Variants in CACNG4 observed in about 807,000 individuals in gnomAD.
CACNG4 encodes the protein voltage-dependent calcium channel gamma-4 subunit.
CACNG4 carries 8 observed loss-of-function variants against 22.9 expected under a neutral mutation model. That is an observed-to-expected ratio of 0.35 (90% confidence interval 0.21 to 0.63). The LOEUF (loss-of-function observed/expected upper bound fraction) is 0.63, where lower values mean the gene tolerates loss of function less well. Among genes scored for constraint, CACNG4 ranks in the 30% least tolerant of loss-of-function variants. The probability of loss-of-function intolerance (pLI) is 0.72; values close to 1 mark genes in which losing one functional copy is unlikely to be tolerated. For synonymous variants in CACNG4, 188 were observed against 191.9 expected (o/e 0.98, Z 0.17); for missense variants, 357 against 455.4 (o/e 0.78, Z 1.97).
At chr17:67,009,709 G>T (rs979973747) in intron 1 of CACNG4, among the ~76,000 whole-genome samples, 2 of 152,144 alleles carry the variant, frequency 1.3e-5, no homozygotes, top group African/African-American at 4.8e-5. Flanking sequence ...GTCTGGTGAG[G>T]GTGGCTTCCT....
At chr17:66,965,197 CG>C in intron 1 of CACNG4, 66 bp downstream of exon 1, 1 of 788,794 alleles carries the variant, frequency 1.3e-6, no homozygotes, top group Non-Finnish European at 1.8e-6. Context: ...TATACACACG[CG>C]CGCGCGCGCG....
chr17:66,981,690 A>G (rs181825586), intron 1 of CACNG4, among the ~76,000 whole-genome samples: 3 of 152,318 alleles, frequency 2.0e-5, no homozygotes, highest in Non-Finnish European at 4.4e-5. Flanking sequence ...CTAGCTGCTT[A>G]TCCATTCAAC....
intron 1 of CACNG4, among the ~76,000 whole-genome samples, chr17:67,000,096 C>A (rs2035399225): frequency 6.6e-6 from 1 of 152,310 alleles, no homozygotes; most frequent in Admixed American, 6.5e-5. Context: ...TTCCACCTGG[C>A]TTCCACGCAG....
chr17:66,991,990 C>T (rs1402149308), intron 1 of CACNG4, among the ~76,000 whole-genome samples: 1 of 152,230 alleles, frequency 6.6e-6, no homozygotes, highest in African/African-American at 2.4e-5. Context: ...CTCACTCTGT[C>T]CATCCCTCAA....
chr17:66,992,496 C>T (rs1383201118), intron 1 of CACNG4, among the ~76,000 whole-genome samples: 8 of 152,236 alleles, frequency 5.3e-5, no homozygotes, highest in Non-Finnish European at 1.2e-4. Context: ...GCACTACCCA[C>T]CAGCACACCC....
intron 1 of CACNG4, among the ~76,000 whole-genome samples, chr17:66,973,556 C>A (rs889518027): frequency 1.3e-5 from 2 of 152,316 alleles, no homozygotes; most frequent in African/African-American, 2.4e-5. Context: ...CCCTTGGGTG[C>A]GTACCTGGGC....
chr17:67,012,631 C>T (rs1487837109), intron 1 of CACNG4, among the ~76,000 whole-genome samples: 1 of 152,176 alleles, frequency 6.6e-6, no homozygotes, highest in Non-Finnish European at 1.5e-5. Context: ...CAAAGGTTTC[C>T]CCCAGGGTGG....
intron 1 of CACNG4, among the ~76,000 whole-genome samples, chr17:66,999,321 G>T (rs927016143): frequency 6.6e-6 from 1 of 152,088 alleles, no homozygotes; most frequent in Non-Finnish European, 1.5e-5. Context: ...GTTAGCATGG[G>T]AATAGCTCCC....
intron 1 of CACNG4, among the ~76,000 whole-genome samples, chr17:67,004,551 G>A (rs893313116): frequency 6.6e-5 from 10 of 152,056 alleles, no homozygotes; most frequent in South Asian, 4.2e-4. Context: ...GCTTATTTTC[G>A]TGTCTTAGAA....
intron 1 of CACNG4, among the ~76,000 whole-genome samples, chr17:66,997,807 G>T (rs117403973): frequency 0.018 from 2,766 of 151,948 alleles, 74 homozygotes; most frequent in Admixed American, 0.067. Flanking sequence ...ATGGGAGTGA[G>T]ACCCTGTCAA....
At chr17:66,980,299 G>A (rs370610049) in intron 1 of CACNG4, among the ~76,000 whole-genome samples, 1 of 152,144 alleles carries the variant, frequency 6.6e-6, no homozygotes, top group Non-Finnish European at 1.5e-5. Context: ...GAAAGTAAGT[G>A]AGAAGGAAAT....
At chr17:66,977,718 C>G (rs949058630) in intron 1 of CACNG4, among the ~76,000 whole-genome samples, 3 of 152,190 alleles carry the variant, frequency 2.0e-5, no homozygotes, top group African/African-American at 7.2e-5. Flanking sequence ...TGAGAGCTAC[C>G]ACACGCACCT....
chr17:66,998,524 A>C (rs2035388602), intron 1 of CACNG4, among the ~76,000 whole-genome samples: 1 of 152,198 alleles, frequency 6.6e-6, no homozygotes, highest in African/African-American at 2.4e-5. Context: ...AGCACTCCTG[A>C]GCCTCAGACT....
intron 1 of CACNG4, among the ~76,000 whole-genome samples, chr17:66,965,793 C>T (rs1012803643): frequency 6.6e-6 from 1 of 152,066 alleles, no homozygotes; most frequent in African/African-American, 2.4e-5. Context: ...TGGGTAGGCC[C>T]AGCCCGACGC....
At chr17:67,020,870 G>T (rs1401714038) in intron 2 of CACNG4, among the ~76,000 whole-genome samples, 1 of 152,208 alleles carries the variant, frequency 6.6e-6, no homozygotes, top group African/African-American at 2.4e-5. Flanking sequence ...ATATTTGCAA[G>T]AAGTGAGGGT....
chr17:66,998,253 T>A (rs1459502246), intron 1 of CACNG4, among the ~76,000 whole-genome samples: 2 of 152,102 alleles, frequency 1.3e-5, no homozygotes, highest in Non-Finnish European at 2.9e-5. Context: ...GATGGAGTCT[T>A]GCTCTGTCCC....
At chr17:67,007,584 G>A (rs1598116807) in intron 1 of CACNG4, among the ~76,000 whole-genome samples, 1 of 152,012 alleles carries the variant, frequency 6.6e-6, no homozygotes, top group African/African-American at 2.4e-5. Context: ...CTACTCTGCA[G>A]CCTGGGCCAG....
rs548304912 is a variant in CACNG4, at chr17:67,025,143, T to G, written c.445+143T>G. 38 of 771,318 alleles carry G rather than the reference T, an allele frequency of 4.9e-5. No individual in the cohort carries two copies. The East Asian group carries it at 1.2e-3, about 25-fold the overall frequency. The allele number at this position is 771,318 out of a possible 1,614,324, so 47.8% of individuals were successfully genotyped here. A position where few individuals can be genotyped will look rare whatever the true frequency, so the allele number is the denominator to read the frequency against. Reference sequence around the variant, plus strand: ...CGCCACATGCAACTGACTTGTAAAGTCCCAATGTTCAGGACTGGGGGTGGA... The same window carrying G: ...CGCCACATGCAACTGACTTGTAAAGGCCCAATGTTCAGGACTGGGGGTGGA... On this transcript the variant is annotated intron_variant, in intron 3 of 3. Transcript: ENST00000262138.
At chr17:66,988,740 A>G (rs1366926034) in intron 1 of CACNG4, among the ~76,000 whole-genome samples, 1 of 151,948 alleles carries the variant, frequency 6.6e-6, no homozygotes, top group East Asian at 1.9e-4. Flanking sequence ...TCCCATTTCT[A>G]GTTCTATCTT....
Sources: allele counts gnomAD v4.1 joint callset (sites outside exome capture counted in the v4.1 genomes callset), GRCh38; gene constraint gnomAD v4.1.1; transcripts MANE v1.5; gene names NCBI Gene and HGNC (gene_info 2026-07-23, HGNC 2026-07-21).